The following PKIB variants were observed in gnomAD, a reference collection of about 807,000 sequenced individuals.
The protein encoded by PKIB is cAMP-dependent protein kinase inhibitor beta, also known as PKI-beta.
In PKIB, 2 loss-of-function variants were observed where a neutral mutation model predicts 4.5. The ratio of observed to expected loss-of-function variants is 0.44; its 90% CI spans 0.18 to 1.39. The LOEUF is 1.39. PKIB is among the 40% of genes most tolerant of loss of function. PKIB has a pLI of 0.27. For synonymous variants in PKIB, 38 were observed against 36.0 expected, an observed-to-expected ratio of 1.06 and a Z score of -0.20; for missense variants, 94 against 92.6, an observed-to-expected ratio of 1.02 and a Z score of -0.06.
chr6:122,644,316 A>G (rs1300461339), intron 2 of PKIB: 2 of 152,188 alleles, frequency 1.3e-5, no homozygotes, highest in African/African-American at 4.8e-5. Context: ...GATTTTATGG[A>G]AACAGCATGA....
chr6:122,583,980 T>G (rs1489257803), intron 2 of PKIB, among the ~76,000 whole-genome samples: 1 of 152,098 alleles, frequency 6.6e-6, no homozygotes, highest in East Asian at 1.9e-4. Context: ...ACTTGGGAAG[T>G]CATAGAAGAA....
In PKIB at chr6:122,707,980, G is replaced by C. The variant is rs546767527; in HGVS notation, c.-8-9807G>C. ...AAAGAAAAAAAATTCATGTTGAAAA[G>C]TGGAAAGACAATTATTTTATTTATT... On this transcript the variant is annotated intron_variant, in intron 3 of 4. Coordinates refer to ENST00000368452, the MANE Select transcript of PKIB (RefSeq NM_181795.3). 5.9e-5 allele frequency among the ~76,000 whole-genome samples: 9 copies of C among 152,202 alleles called. No individual in the cohort carries two copies. The South Asian group carries it at 1.9e-3, about 32-fold the overall frequency.
At chr6:122,567,281 T>TTTG (rs1773222152) in intron 2 of PKIB, among the ~76,000 whole-genome samples, 4 of 152,322 alleles carry the variant, frequency 2.6e-5, no homozygotes, top group Non-Finnish European at 5.9e-5. Flanking sequence ...AGTCCTCAAA[T>TTTG]AGTGGCTGAT....
At chr6:122,532,409 CT>C (rs1218996105) in intron 2 of PKIB, among the ~76,000 whole-genome samples, 10 of 152,004 alleles carry the variant, frequency 6.6e-5, no homozygotes, top group Admixed American at 5.9e-4. Flanking sequence ...CCTTTTTAAA[CT>C]TTTTTTTAAG....
chr6:122,698,511 G>T (rs1778666640), intron 3 of PKIB, among the ~76,000 whole-genome samples: 1 of 152,176 alleles, frequency 6.6e-6, no homozygotes. Context: ...TGTGTGGCCA[G>T]TAATTGCCAC....
intron 2 of PKIB, among the ~76,000 whole-genome samples, chr6:122,504,135 G>A (rs1228427183): frequency 4.6e-5 from 7 of 152,050 alleles, no homozygotes; most frequent in South Asian, 4.2e-4. Flanking sequence ...TAGACTTTGC[G>A]GTAATGATAA....
At chr6:122,582,094 A>G (rs767930483) in intron 2 of PKIB, among the ~76,000 whole-genome samples, 6 of 152,058 alleles carry the variant, frequency 3.9e-5, no homozygotes, top group Non-Finnish European at 8.8e-5. Context: ...GCACTTCTTG[A>G]TGATAGATGA....
chr6:122,698,756 G>A (rs1246696265), intron 3 of PKIB, among the ~76,000 whole-genome samples: 6 of 152,120 alleles, frequency 3.9e-5, no homozygotes, highest in Non-Finnish European at 7.4e-5. Flanking sequence ...CAGCACTAGT[G>A]AAATTAAAGA....
At chr6:122,721,387 A>C (rs948670559) in intron 4 of PKIB, among the ~76,000 whole-genome samples, 7 of 152,236 alleles carry the variant, frequency 4.6e-5, no homozygotes, top group African/African-American at 1.7e-4. Flanking sequence ...TGCTGGTTTC[A>C]ACATAATTGG....
chr6:122,574,543 G>C (rs1773471591), intron 2 of PKIB, among the ~76,000 whole-genome samples: 1 of 152,080 alleles, frequency 6.6e-6, no homozygotes. Flanking sequence ...AAACAACATG[G>C]CACTGGTATA....
chr6:122,566,977 C>A (rs1021051696), intron 2 of PKIB, among the ~76,000 whole-genome samples: 1 of 152,172 alleles, frequency 6.6e-6, no homozygotes, highest in Non-Finnish European at 1.5e-5. Flanking sequence ...CAGCCTTGAA[C>A]TCCTGGCTCG....
intron 3 of PKIB, among the ~76,000 whole-genome samples, chr6:122,688,729 G>C (rs1778192818): frequency 6.6e-6 from 1 of 151,128 alleles, no homozygotes; most frequent in South Asian, 2.1e-4. Context: ...ATTTCTTCTA[G>C]ATTTTCCAAT....
At chr6:122,547,691 G>T (rs1772538922) in intron 2 of PKIB, among the ~76,000 whole-genome samples, 1 of 152,100 alleles carries the variant, frequency 6.6e-6, no homozygotes, top group Admixed American at 6.5e-5. Flanking sequence ...CGGCTCTGCA[G>T]CTCCAGCCAC....
intron 2 of PKIB, among the ~76,000 whole-genome samples, chr6:122,576,689 A>AAAAAAATATAT (rs1345822382): frequency 4.4e-4 from 15 of 34,314 alleles, no homozygotes; most frequent in Non-Finnish European, 4.2e-4. Context: ...AAAAAAAAAA[A>AAAAAAATATAT]ATATATATAT....
chr6:122,527,180 G>A (rs769882316), intron 2 of PKIB, among the ~76,000 whole-genome samples: 5 of 152,100 alleles, frequency 3.3e-5, no homozygotes, highest in Non-Finnish European at 7.4e-5. Flanking sequence ...ATTAGCTTTG[G>A]TTTAAGGGAG....
chr6:122,528,278 T>A (rs1436781867), intron 2 of PKIB, among the ~76,000 whole-genome samples: 1 of 152,180 alleles, frequency 6.6e-6, no homozygotes, highest in African/African-American at 2.4e-5. Context: ...ACATGTGTTC[T>A]TAGATGTAAA....
intron 2 of PKIB, among the ~76,000 whole-genome samples, chr6:122,670,518 T>C (rs924274513): frequency 3.3e-5 from 5 of 149,654 alleles, no homozygotes; most frequent in African/African-American, 1.2e-4. Context: ...TTGTTGTTGT[T>C]GTTGTTGTTA....
At chr6:122,690,933 T>TTC (rs1554232257) in intron 3 of PKIB, among the ~76,000 whole-genome samples, 31,748 of 112,330 alleles carry the variant, frequency 0.28, 3,537 homozygotes, top group Middle Eastern at 0.34. Flanking sequence ...TATATATATA[T>TTC]TTTTTTTTTT....
At chr6:122,505,643 C>A (rs556964010) in intron 2 of PKIB, among the ~76,000 whole-genome samples, 60 of 152,082 alleles carry the variant, frequency 3.9e-4, no homozygotes, top group Non-Finnish European at 6.3e-4. Context: ...GTTGAATGAC[C>A]CTGAGTCCCT....
Sources: allele counts gnomAD v4.1 joint callset (sites outside exome capture counted in the v4.1 genomes callset), GRCh38; gene constraint gnomAD v4.1.1; transcripts MANE v1.5; gene names NCBI Gene and HGNC (gene_info 2026-07-23, HGNC 2026-07-21).